Variants in CFAP276 observed in about 807,000 individuals in gnomAD.
CFAP276 encodes the protein cilia and flagella associated protein 276.
At chr1:109,113,528 C>A in the CFAP276 span, 22 of 1,005,874 alleles carry the variant, frequency 2.2e-5, 2 homozygotes, top group Non-Finnish European at 3.2e-5. Context: ...AAACTCGGAT[C>A]AACTACAGTG....
chr1:109,112,857 C>A, the CFAP276 span: 1 of 1,021,666 alleles, frequency 9.8e-7, no homozygotes, highest in South Asian at 1.9e-5. Flanking sequence ...TGGCGGCTGA[C>A]CACGGGAGGC....
the CFAP276 span, chr1:109,107,901 A>C: frequency 3.2e-5 from 51 of 1,575,140 alleles, no homozygotes; most frequent in Non-Finnish European, 4.2e-5. Flanking sequence ...AAAGAGGAAT[A>C]ATATTTCAAT....
the CFAP276 span, chr1:109,106,538 T>C: frequency 4.3e-6 from 7 of 1,613,772 alleles, no homozygotes; most frequent in East Asian, 2.2e-5. Context: ...CCCTTACCTA[T>C]GGATCCTTGG....
chr1:109,107,011 AG>A, the CFAP276 span: 58 of 1,611,376 alleles, frequency 3.6e-5, no homozygotes, highest in Non-Finnish European at 4.8e-5. Flanking sequence ...ACTTACCTAT[AG>A]GTATCCTGCG....
chr1:109,106,246 T>A, the CFAP276 span: 1 of 746,754 alleles, frequency 1.3e-6, no homozygotes, highest in Non-Finnish European at 2.2e-6. Context: ...TGATGGGAGG[T>A]ACTTATAGGT....
chr1:109,113,462 GA>G, the CFAP276 span, among the ~76,000 whole-genome samples: 1 of 132,992 alleles, frequency 7.5e-6, no homozygotes, highest in Non-Finnish European at 1.6e-5. Flanking sequence ...GAGAGAGAGA[GA>G]GAGAGGCCCA....
chr1:109,106,959 T>G, the CFAP276 span: 1 of 1,416,446 alleles, frequency 7.1e-7, no homozygotes, highest in South Asian at 1.2e-5. Flanking sequence ...CTTATATGAC[T>G]GGATGGCAGC....
chr1:109,106,180 G>A, the CFAP276 span: 3 of 1,194,084 alleles, frequency 2.5e-6, no homozygotes, highest in Non-Finnish European at 3.7e-6. Context: ...CAATACATTT[G>A]TAGGTACTGT....
At chr1:109,105,979 A>C in the CFAP276 span, 1 of 1,435,242 alleles carries the variant, frequency 7.0e-7, no homozygotes, top group Non-Finnish European at 9.7e-7. Context: ...ATTTAATGGA[A>C]GTGGGCCGCA....
chr1:109,106,690 G>A, the CFAP276 span: 9 of 1,606,008 alleles, frequency 5.6e-6, no homozygotes, highest in Non-Finnish European at 6.8e-6. Flanking sequence ...GAAAAGTGGA[G>A]AGTGAAATCA....
the CFAP276 span, chr1:109,106,528 C>G: frequency 1.2e-6 from 2 of 1,613,738 alleles, no homozygotes; most frequent in Non-Finnish European, 1.7e-6. Context: ...AGTCCTCTAA[C>G]CCTTACCTAT....
the CFAP276 span, among the ~76,000 whole-genome samples, chr1:109,111,770 C>A: frequency 1.3e-5 from 2 of 152,146 alleles, no homozygotes. Context: ...CCTGGCCTAC[C>A]TAACTCATAT....
the CFAP276 span, among the ~76,000 whole-genome samples, chr1:109,110,769 A>C: frequency 2.6e-5 from 4 of 152,206 alleles, no homozygotes; most frequent in African/African-American, 9.7e-5. Flanking sequence ...GTTGCCTACT[A>C]TTGACCTTCA....
chr1:109,109,567 C>T, the CFAP276 span, among the ~76,000 whole-genome samples: 3 of 129,272 alleles, frequency 2.3e-5, no homozygotes, highest in Admixed American at 7.9e-5. Context: ...GACAGAGTCT[C>T]GCTCTGTCGC....
the CFAP276 span, among the ~76,000 whole-genome samples, chr1:109,111,872 T>C: frequency 6.6e-6 from 1 of 152,252 alleles, no homozygotes; most frequent in Non-Finnish European, 1.5e-5. Context: ...CAACATGTGC[T>C]ATTGTGCAAG....
chr1:109,113,451 A>AGGGAGT, the CFAP276 span, among the ~76,000 whole-genome samples: 4,752 of 119,712 alleles, frequency 0.04, 243 homozygotes, highest in Middle Eastern at 0.091. Context: ...AGAGAGAGAG[A>AGGGAGT]GAGAGAGAGA....
the CFAP276 span, chr1:109,113,593 A>G: frequency 2.5e-6 from 4 of 1,607,724 alleles, no homozygotes; most frequent in Admixed American, 3.3e-5. Context: ...GGCGGGATGT[A>G]AGATCTCCAG....
chr1:109,107,403 G>A, the CFAP276 span, among the ~76,000 whole-genome samples: 16 of 152,262 alleles, frequency 1.1e-4, no homozygotes, highest in African/African-American at 3.6e-4. Context: ...TTTATATTCA[G>A]TCCTTGTTTT....
At chr1:109,113,659 T>C in the CFAP276 span, 1 of 1,614,156 alleles carries the variant, frequency 6.2e-7, no homozygotes, top group East Asian at 2.2e-5. Flanking sequence ...CGACGACGTC[T>C]GGAGGGTGAT....
Sources: allele counts gnomAD v4.1 joint callset (sites outside exome capture counted in the v4.1 genomes callset), GRCh38; gene constraint gnomAD v4.1.1; transcripts MANE v1.5; gene names NCBI Gene and HGNC (gene_info 2026-07-23, HGNC 2026-07-21).